The following PIP4K2A variants were observed in gnomAD, a reference collection of about 807,000 sequenced individuals.
The protein encoded by PIP4K2A is phosphatidylinositol 5-phosphate 4-kinase type-2 alpha.
PIP4K2A carries 14 observed loss-of-function variants against 42.9 expected under a neutral mutation model. The observed-to-expected ratio is 0.33, with a 90% CI of 0.22 to 0.51. The LOEUF (loss-of-function observed/expected upper bound fraction) is 0.51, where lower values mean the gene tolerates loss of function less well. Ranked by LOEUF, PIP4K2A falls within the 20% of genes least tolerant of loss-of-function variation. The pLI, the probability that PIP4K2A is intolerant of heterozygous loss-of-function variation, is 0.97. For missense variants in PIP4K2A, 434 were observed against 519.8 expected (o/e 0.83, Z 1.61); for synonymous variants, 192 against 192.2 (o/e 1.00, Z 0.01).
At chr10:22,694,024 T>C (rs375557987) in intron 1 of PIP4K2A, 1 of 152,188 alleles carries the variant, frequency 6.6e-6, no homozygotes, top group African/African-American at 2.4e-5. Flanking sequence ...GCAGAGCCCA[T>C]GGATACGGCG....
At chr10:22,543,185 G>A (rs1314697820) in intron 7 of PIP4K2A, among the ~76,000 whole-genome samples, 1 of 152,158 alleles carries the variant, frequency 6.6e-6, no homozygotes, top group Non-Finnish European at 1.5e-5. Flanking sequence ...GAAACTGAAT[G>A]AGAAGCCCCG....
At chr10:22,664,920 G>T (rs1168122066) in intron 1 of PIP4K2A, among the ~76,000 whole-genome samples, 1 of 151,916 alleles carries the variant, frequency 6.6e-6, no homozygotes, top group East Asian at 1.9e-4. Flanking sequence ...CCCACTCCAT[G>T]AAAAGTTTTA....
intron 3 of PIP4K2A, among the ~76,000 whole-genome samples, chr10:22,599,011 T>C (rs1588653870): frequency 1.3e-5 from 2 of 150,086 alleles, no homozygotes; most frequent in Admixed American, 6.6e-5. Flanking sequence ...CCATAACCCA[T>C]CCCAAAAAAA....
At chr10:22,702,263 C>T (rs1833729107) in intron 1 of PIP4K2A, among the ~76,000 whole-genome samples, 1 of 152,176 alleles carries the variant, frequency 6.6e-6, no homozygotes, top group African/African-American at 2.4e-5. Context: ...GAAAAAGACC[C>T]ACAAAGGACT....
chr10:22,575,601 C>T lies in PIP4K2A; in HGVS notation c.493-2144G>A, dbSNP rs189475202. ...CAGATTACATTCTATACCTCCCCTA[C>T]CTTAAACATTAGCTAAATTATTACA... is the stretch of plus-strand genomic sequence containing the variant. On this transcript the variant is annotated intron_variant, in intron 4 of 9. Coordinates refer to ENST00000376573, the MANE Select transcript of PIP4K2A (RefSeq NM_005028.5). Among the ~76,000 whole-genome samples the T allele has an allele frequency of 1.6e-3, 238 of 152,298 alleles. 3 individuals are homozygous for T. The highest frequency in any genetic ancestry group is 0.013 in the Admixed American group (204 of 15,302).
At chr10:22,657,027 C>T (rs1310366241) in intron 1 of PIP4K2A, among the ~76,000 whole-genome samples, 2 of 152,160 alleles carry the variant, frequency 1.3e-5, no homozygotes, top group Non-Finnish European at 2.9e-5. Flanking sequence ...CTTCCAGTTC[C>T]CAACGGGGCC....
chr10:22,613,852 G>C (rs147349197), intron 1 of PIP4K2A, among the ~76,000 whole-genome samples: 35 of 152,276 alleles, frequency 2.3e-4, no homozygotes, highest in African/African-American at 8.4e-4. Context: ...GGCTGAGTGT[G>C]ACATAAAGGG....
chr10:22,662,772 C>T (rs1157130010), intron 1 of PIP4K2A, among the ~76,000 whole-genome samples: 3 of 152,116 alleles, frequency 2.0e-5, no homozygotes, highest in Non-Finnish European at 2.9e-5. Context: ...AACTAAAACT[C>T]CCCCCGCCAC....
chr10:22,700,342 C>T (rs968398582), intron 1 of PIP4K2A, among the ~76,000 whole-genome samples: 22 of 152,352 alleles, frequency 1.4e-4, no homozygotes, highest in Non-Finnish European at 1.8e-4. Context: ...GACTGCACAA[C>T]GGTGCATTTT....
At chr10:22,635,025 G>A (rs1299937727) in intron 1 of PIP4K2A, among the ~76,000 whole-genome samples, 1 of 152,116 alleles carries the variant, frequency 6.6e-6, no homozygotes, top group African/African-American at 2.4e-5. Flanking sequence ...ATGGGGTGGA[G>A]AGAGTCATAG....
intron 1 of PIP4K2A, among the ~76,000 whole-genome samples, chr10:22,653,299 T>C (rs1010560268): frequency 2.6e-5 from 4 of 152,108 alleles, no homozygotes; most frequent in Admixed American, 2.6e-4. Flanking sequence ...AGGAAGGCAG[T>C]GCATGACAGC....
At chr10:22,630,837 T>C (rs1838532072) in intron 1 of PIP4K2A, among the ~76,000 whole-genome samples, 1 of 152,184 alleles carries the variant, frequency 6.6e-6, no homozygotes, top group African/African-American at 2.4e-5. Flanking sequence ...TACTACAACA[T>C]ACTTGGGTTC....
chr10:22,712,913 G>GGGGTGTGTGTGTGTGT (rs775265774), intron 1 of PIP4K2A, among the ~76,000 whole-genome samples: 4 of 147,602 alleles, frequency 2.7e-5, no homozygotes, highest in African/African-American at 1.0e-4. Context: ...CTACATTGAG[G>GGGGTGTGTGTGTGTGT]GTGTGTGTGT....
chr10:22,656,062 A>G (rs1839094274), intron 1 of PIP4K2A, among the ~76,000 whole-genome samples: 1 of 152,206 alleles, frequency 6.6e-6, no homozygotes, highest in Admixed American at 6.5e-5. Flanking sequence ...TAAGACCTCA[A>G]TGACCCCAGA....
At chr10:22,549,298 T>C (rs1836337196) in intron 7 of PIP4K2A, among the ~76,000 whole-genome samples, 1 of 152,150 alleles carries the variant, frequency 6.6e-6, no homozygotes, top group South Asian at 2.1e-4. Context: ...TCCGCCTTCA[T>C]GGGAAATACA....
At chr10:22,688,931 G>A (rs1839810467) in intron 1 of PIP4K2A, among the ~76,000 whole-genome samples, 1 of 152,214 alleles carries the variant, frequency 6.6e-6, no homozygotes, top group South Asian at 2.1e-4. Context: ...GTCTGGGCTT[G>A]TTATAATTTA....
At chr10:22,608,938 G>C (rs1429299228) in intron 2 of PIP4K2A, among the ~76,000 whole-genome samples, 1 of 152,158 alleles carries the variant, frequency 6.6e-6, no homozygotes, top group Non-Finnish European at 1.5e-5. Context: ...TAATCATTCA[G>C]AATTGTTTCC....
chr10:22,713,611 T>C (rs1366374362), intron 1 of PIP4K2A, among the ~76,000 whole-genome samples: 1 of 152,152 alleles, frequency 6.6e-6, no homozygotes, highest in Non-Finnish European at 1.5e-5. Context: ...ATATTGCCTT[T>C]AAAGGAAAAA....
At chr10:22,562,969 T>C (rs114577889) in intron 6 of PIP4K2A, among the ~76,000 whole-genome samples, 1 of 152,130 alleles carries the variant, frequency 6.6e-6, no homozygotes, top group Non-Finnish European at 1.5e-5. Flanking sequence ...GGGAGCCAGA[T>C]TGCAGCAGGT....
Sources: allele counts gnomAD v4.1 joint callset (sites outside exome capture counted in the v4.1 genomes callset), GRCh38; gene constraint gnomAD v4.1.1; transcripts MANE v1.5; gene names NCBI Gene and HGNC (gene_info 2026-07-23, HGNC 2026-07-21).